SYNE1: variants seen among roughly 807,000 people sequenced by gnomAD.
The protein encoded by SYNE1 is nesprin-1.
A neutral mutation model predicts 1,111.0 loss-of-function variants in SYNE1; 616 were observed. That is an observed-to-expected ratio of 0.55 (90% CI 0.52 to 0.59). The LOEUF (loss-of-function observed/expected upper bound fraction) is 0.59. Ranked by LOEUF, SYNE1 falls within the 20% of genes least tolerant of loss-of-function variation. The pLI is 0.00. For synonymous variants in SYNE1, 3,855 were observed against 3,825.8 expected (o/e 1.01, Z -0.28); for missense variants, 10,006 against 10,417.0 (o/e 0.96, Z 1.72).
intron 3 of SYNE1, among the ~76,000 whole-genome samples, chr6:152,551,053 T>C (rs753120150): frequency 6.6e-6 from 1 of 152,324 alleles, no homozygotes; most frequent in East Asian, 1.9e-4. Flanking sequence ...TTGAACAGTT[T>C]CAAGCAGAAC....
intron 48 of SYNE1, 56 bp downstream of exon 48, chr6:152,399,560 G>T: frequency 6.3e-7 from 1 of 1,596,646 alleles, no homozygotes; most frequent in Non-Finnish European, 8.6e-7. Context: ...GGCAGCATTT[G>T]GTTTGGATTC....
intron 131 of SYNE1, among the ~76,000 whole-genome samples, chr6:152,162,243 T>C (rs2062664600): frequency 6.6e-6 from 1 of 152,206 alleles, no homozygotes; most frequent in South Asian, 2.1e-4. Flanking sequence ...CTCTGTGGCA[T>C]GAATCAACTT....
chr6:152,234,715 C>G lies in SYNE1; in HGVS notation c.20482G>C (p.Val6828Leu). ...CGGACCATTTCCAGCTCTTGTGGGA[C>G]TGTCACAGATTGCTGAGTCCAAAAT... ...LEFWTQQSVT[V>L]PQELEMVRDH... The change falls in exon 111 of 146, where the codon GTC becomes CTC. Residue 6828 changes from valine (V) to leucine (L), a missense_variant. Physicochemically the swap from Val to Leu is conservative, Grantham distance 32. Around this residue, in one of 7 missense-constraint regions of SYNE1, gnomAD observed 2,182 missense variants for 2,287.8 expected, o/e 0.95. Coordinates refer to ENST00000367255, the MANE Select transcript of SYNE1 (RefSeq NM_182961.4). 6.2e-7 allele frequency: 1 copy of G among 1,614,224 alleles called. No homozygotes were observed. The highest frequency in any genetic ancestry group is 1.6e-4 in the Middle Eastern group (1 of 6,062).
chr6:152,275,969 G>A (rs1359322), intron 98 of SYNE1, among the ~76,000 whole-genome samples: 34,003 of 147,594 alleles, frequency 0.23, 4,514 homozygotes, highest in East Asian at 0.52. Flanking sequence ...TTTTATATGG[G>A]ATATTACATT....
At chr6:152,149,757 T>A in intron 135 of SYNE1, 89 bp from the exon 136 acceptor site, 1 of 1,158,950 alleles carries the variant, frequency 8.6e-7, no homozygotes, top group Non-Finnish European at 1.3e-6. Flanking sequence ...CTCATTACAT[T>A]AAAAAAGACA....
chr6:152,256,546 CA>C, intron 102 of SYNE1, 87 bp downstream of exon 102: 1 of 1,572,072 alleles, frequency 6.4e-7, no homozygotes, highest in East Asian at 2.3e-5. Context: ...GGGGTGGATG[CA>C]ACAGTCTCAC....
chr6:152,596,601 T>C (rs914224157), intron 3 of SYNE1, among the ~76,000 whole-genome samples: 2 of 152,166 alleles, frequency 1.3e-5, no homozygotes, highest in African/African-American at 2.4e-5. Flanking sequence ...TTCTTATTTC[T>C]TGAAGCTTTC....
chr6:152,560,853 CAA>C (rs976225574), intron 3 of SYNE1, among the ~76,000 whole-genome samples: 6 of 151,980 alleles, frequency 3.9e-5, no homozygotes, highest in Non-Finnish European at 7.4e-5. Context: ...AAGCATCTGA[CAA>C]AACTCAACAT....
Position 152,213,681 on chromosome 6 carries a change from T to C in SYNE1, c.22425A>G (p.Thr7475=), listed in dbSNP as rs1188547757. 2 of 1,614,176 alleles carry C rather than the reference T, an allele frequency of 1.2e-6. No individual in the cohort carries two copies. Residue 7475 remains threonine, a synonymous_variant, in exon 123 of 146, where the codon ACA becomes ACG. Transcript: ENST00000367255. ...CETWMEFLVQ[T]EQKLAVEISG... is the part of the protein sequence containing the mutation. ...AAATCTCTACTGCTAACTTTTGTTC[T>C]GTCTGAACTAGGAATTCCATCCATG...
chr6:152,360,662 C>A (rs1387935664), intron 64 of SYNE1, among the ~76,000 whole-genome samples: 2 of 152,082 alleles, frequency 1.3e-5, no homozygotes, highest in Admixed American at 1.3e-4. Flanking sequence ...CGGGCACAGT[C>A]CCTACATGTA....
intron 39 of SYNE1, among the ~76,000 whole-genome samples, chr6:152,420,309 A>C (rs934917284): frequency 6.6e-6 from 1 of 152,176 alleles, no homozygotes; most frequent in African/African-American, 2.4e-5. Flanking sequence ...TTTGGAGACT[A>C]TACTATTGAA....
intron 74 of SYNE1, among the ~76,000 whole-genome samples, chr6:152,342,057 C>T (rs2096545070): frequency 6.6e-6 from 1 of 152,232 alleles, no homozygotes; most frequent in Admixed American, 6.5e-5. Context: ...GTCTCCACCA[C>T]CTCGAACTCC....
At chr6:152,333,809 T>C (rs922113954) in intron 77 of SYNE1, among the ~76,000 whole-genome samples, 199 bp downstream of exon 77, 10 of 152,032 alleles carry the variant, frequency 6.6e-5, no homozygotes, top group Non-Finnish European at 1.2e-4. Flanking sequence ...ATTTTTGTAT[T>C]TTTAGTAGAG....
intron 131 of SYNE1, 88 bp from the exon 132 acceptor site, chr6:152,156,185 G>C (rs986500423): frequency 2.2e-6 from 3 of 1,337,242 alleles, no homozygotes; most frequent in South Asian, 1.2e-5. Flanking sequence ...AAATGGCTAG[G>C]CTACACCTTG....
chr6:152,409,500 T>C (rs1013636236), intron 43 of SYNE1, 59 bp downstream of exon 43: 14 of 1,597,106 alleles, frequency 8.8e-6, no homozygotes, highest in Non-Finnish European at 1.1e-5. Flanking sequence ...AACTGCTTTA[T>C]GAGTAAAAAC....
chr6:152,456,084 G>T (rs1279758541), intron 22 of SYNE1, 40 bp from the exon 23 acceptor site: 2 of 1,596,018 alleles, frequency 1.3e-6, no homozygotes, highest in Non-Finnish European at 1.7e-6. Flanking sequence ...TTATTTACAA[G>T]ACAGAGTGAG....
chr6:152,609,838 A>G (rs2099626313), intron 3 of SYNE1, among the ~76,000 whole-genome samples: 1 of 152,200 alleles, frequency 6.6e-6, no homozygotes. Flanking sequence ...TCTGCTGGTA[A>G]AACCCAAGCA....
rs1197430114 is a variant in SYNE1 at position 152,347,083 on chromosome 6, T to C, written c.12054A>G (p.Ser4018=). 1 of 1,614,216 alleles carries C rather than the reference T, an allele frequency of 6.2e-7. No individual in the cohort carries two copies. Residue 4018 remains serine (S), a synonymous_variant, in exon 73 of 146, where the codon TCA becomes TCG. Coordinates refer to ENST00000367255, the MANE Select transcript of SYNE1 (RefSeq NM_182961.4). ...AHLQGTKDSY[S]AICSTAQRMY... Reference sequence around the variant, plus strand: ...CCCTCTGAGCTGTGCTGCAGATCGCTGAGTAGCTGTCCTTTGTGCCCTGCA... The same window carrying C: ...CCCTCTGAGCTGTGCTGCAGATCGCCGAGTAGCTGTCCTTTGTGCCCTGCA...
At chr6:152,402,830 T>C (rs2154153970) in intron 46 of SYNE1, among the ~76,000 whole-genome samples, 1 of 152,044 alleles carries the variant, frequency 6.6e-6, no homozygotes, top group South Asian at 2.1e-4. Context: ...CACCAATAAC[T>C]CTCTGAAGAT....
Sources: gnomAD v4.1 joint callset for allele counts (sites outside exome capture counted in the v4.1 genomes callset) on GRCh38, gnomAD v4.1.1 for gene constraint, gnomAD v4.1.1 regional missense constraint, MANE v1.5 for transcripts, NCBI Gene and HGNC (gene_info 2026-07-23, HGNC 2026-07-21) for gene names.